The following C12orf42 variants were observed in gnomAD, a reference collection of about 807,000 sequenced individuals.
C12orf42 encodes chromosome 12 open reading frame 42.
C12orf42 carries 25 observed loss-of-function variants against 21.6 expected under a neutral mutation model. The ratio of observed to expected loss-of-function variants is 1.16; its 90% confidence interval spans 0.84 to 1.62. C12orf42 has a LOEUF of 1.62. C12orf42 is among the 40% of genes most tolerant of loss of function. C12orf42 has a pLI of 0.00. For synonymous variants in C12orf42, 174 were observed against 175.0 expected (o/e 0.99, Z 0.05); for missense variants, 483 against 459.3 (o/e 1.05, Z -0.47).
the C12orf42 span, among the ~76,000 whole-genome samples, chr12:103,169,165 TAA>T: frequency 1.8e-5 from 1 of 54,674 alleles, no homozygotes; most frequent in Non-Finnish European, 4.6e-5. Context: ...ATAATATAAA[TAA>T]ATAAATAAAT....
the C12orf42 span, among the ~76,000 whole-genome samples, chr12:103,147,105 TAGA>T: frequency 1.3e-5 from 2 of 152,186 alleles, no homozygotes; most frequent in African/African-American, 4.8e-5. Context: ...CATTCACGTA[TAGA>T]AGCTCAGGAT....
intron 4 of C12orf42, among the ~76,000 whole-genome samples, chr12:103,309,940 G>T (rs935931988): frequency 1.3e-5 from 2 of 152,198 alleles, no homozygotes; most frequent in East Asian, 1.9e-4. Flanking sequence ...TCCAAGTAGG[G>T]ATACCCTGGG....
At chr12:103,329,448 G>A (rs2041019587) in intron 4 of C12orf42, among the ~76,000 whole-genome samples, 1 of 151,960 alleles carries the variant, frequency 6.6e-6, no homozygotes, top group Admixed American at 6.6e-5. Flanking sequence ...TTAAAACCTA[G>A]ACAACAGATT....
At chr12:103,519,030 T>G in the C12orf42 span, among the ~76,000 whole-genome samples, 1 of 152,148 alleles carries the variant, frequency 6.6e-6, no homozygotes, top group Non-Finnish European at 1.5e-5. Flanking sequence ...GATTGAATCA[T>G]GGGGGTGTTT....
At chr12:103,268,442 C>T (rs2035278142), downstream of C12orf42, 1 of 151,832 alleles carries the variant, frequency 6.6e-6, no homozygotes, top group Non-Finnish European at 1.5e-5. Context: ...TTTTATTTTT[C>T]CCCGACAGTG....
the C12orf42 span, among the ~76,000 whole-genome samples, chr12:103,077,090 C>A: frequency 6.6e-6 from 1 of 152,126 alleles, no homozygotes; most frequent in Admixed American, 6.6e-5. Context: ...GACCCATTTT[C>A]TCTATGTTCA....
At chr12:103,224,054 T>A in the C12orf42 span, among the ~76,000 whole-genome samples, 3 of 152,072 alleles carry the variant, frequency 2.0e-5, no homozygotes, top group African/African-American at 7.2e-5. Context: ...AACTGAGGAA[T>A]TATGTCTGAC....
intron 4 of C12orf42, among the ~76,000 whole-genome samples, chr12:103,355,117 C>T (rs771078512): frequency 1.3e-5 from 2 of 152,050 alleles, no homozygotes; most frequent in African/African-American, 2.4e-5. Context: ...CAGCTGCTTC[C>T]TTGTCCTTAG....
chr12:103,234,613 C>T (rs12310655), downstream of C12orf42, among the ~76,000 whole-genome samples: 13,282 of 152,124 alleles, frequency 0.087, 592 homozygotes, highest in East Asian at 0.15. Flanking sequence ...CTTTCTTGGA[C>T]TTTTTTCCAA....
At chr12:103,470,060 T>C (rs1334570836) in intron 2 of C12orf42, among the ~76,000 whole-genome samples, 1 of 152,214 alleles carries the variant, frequency 6.6e-6, no homozygotes. Context: ...CACTCTGTAG[T>C]GATGAACTCA....
intron 5 of C12orf42, chr12:103,273,978 C>T (rs912223695): frequency 1.3e-5 from 6 of 454,546 alleles, no homozygotes; most frequent in African/African-American, 1.2e-4. Flanking sequence ...AAGAAAAATC[C>T]CCCCAAGAGC....
chr12:103,100,709 C>A, the C12orf42 span, among the ~76,000 whole-genome samples: 1 of 152,144 alleles, frequency 6.6e-6, no homozygotes, highest in Non-Finnish European at 1.5e-5. Flanking sequence ...AGACTCAGAG[C>A]CATTTCTAAT....
At chr12:103,520,330 CCT>C in the C12orf42 span, among the ~76,000 whole-genome samples, 1 of 152,048 alleles carries the variant, frequency 6.6e-6, no homozygotes, top group South Asian at 2.1e-4. Context: ...CTGTGTGTTC[CCT>C]CTGTTTACCT....
At chr12:103,560,559 A>T in the C12orf42 span, among the ~76,000 whole-genome samples, 1 of 152,254 alleles carries the variant, frequency 6.6e-6, no homozygotes, top group African/African-American at 2.4e-5. Flanking sequence ...GTTTCTGTGT[A>T]CATTTTACTG....
At chr12:103,284,785 G>A (rs1027723126) in intron 4 of C12orf42, among the ~76,000 whole-genome samples, 1 of 152,256 alleles carries the variant, frequency 6.6e-6, no homozygotes, top group South Asian at 2.1e-4. Context: ...ATTGACTTTC[G>A]TGGGTCCTAA....
chr12:103,118,671 G>T, the C12orf42 span, among the ~76,000 whole-genome samples: 1 of 150,812 alleles, frequency 6.6e-6, no homozygotes, highest in East Asian at 2.0e-4. Context: ...GGTGGTGGGC[G>T]CCTGTAGTCC....
At chr12:103,139,954 C>T in the C12orf42 span, among the ~76,000 whole-genome samples, 1 of 152,152 alleles carries the variant, frequency 6.6e-6, no homozygotes, top group Non-Finnish European at 1.5e-5. Context: ...TAACTACCAC[C>T]CCATCTCCTC....
chr12:103,138,987 A>G, the C12orf42 span, among the ~76,000 whole-genome samples: 1 of 152,194 alleles, frequency 6.6e-6, no homozygotes, highest in African/African-American at 2.4e-5. Flanking sequence ...ATGGTGTCAT[A>G]TAAGTTTATC....
chr12:103,241,196 A>G (rs1038822915), intron 10 of C12orf42, among the ~76,000 whole-genome samples: 5 of 152,006 alleles, frequency 3.3e-5, no homozygotes, highest in East Asian at 1.9e-4. Context: ...AAAAAAAAAA[A>G]AAAGAAAACA....
Sources: gnomAD v4.1 joint callset for allele counts (sites outside exome capture counted in the v4.1 genomes callset) on GRCh38, gnomAD v4.1.1 for gene constraint, MANE v1.5 for transcripts, NCBI Gene and HGNC (gene_info 2026-07-23, HGNC 2026-07-21) for gene names.